The following SHB variants were observed in gnomAD, a reference collection of about 807,000 sequenced individuals.
SHB encodes SH2 domain-containing adapter protein B.
In SHB, 20 loss-of-function variants were observed where a neutral mutation model predicts 52.3. That is an observed-to-expected ratio of 0.38 (90% CI 0.27 to 0.56). The LOEUF is 0.56. SHB is among the 20% of genes least tolerant of loss of function. SHB has a pLI of 0.71. For missense variants in SHB, 825 were observed against 723.3 expected (o/e 1.14, Z -1.61); for synonymous variants, 397 against 316.5 (o/e 1.25, Z -2.70).
At chr9:37,960,958 A>G (rs1483731066) in intron 3 of SHB, among the ~76,000 whole-genome samples, 1 of 152,184 alleles carries the variant, frequency 6.6e-6, no homozygotes, top group Non-Finnish European at 1.5e-5. Context: ...ATTCCCCACA[A>G]GAATACCTGA....
At chr9:37,954,570 G>A (rs1701642421) in intron 4 of SHB, among the ~76,000 whole-genome samples, 1 of 152,108 alleles carries the variant, frequency 6.6e-6, no homozygotes, top group Non-Finnish European at 1.5e-5. Flanking sequence ...CACCACTCTG[G>A]GCCCTGATGT....
rs555278137 is a variant in SHB at position 38,012,829 on chromosome 9, A to G, written c.838+3182T>C. 3.3e-5 allele frequency among the ~76,000 whole-genome samples: 5 copies of G among 149,814 alleles called. No individual in the cohort carries two copies. The East Asian group carries it at 9.8e-4, about 29-fold the overall frequency. On this transcript the variant is annotated intron_variant, in intron 2 of 5. Coordinates refer to ENST00000377707, the MANE Select transcript of SHB (RefSeq NM_003028.3). Reference sequence around the variant, plus strand: ...ACAAGTTACACGCTCACATACACATAAAATGTAATATCATCCAAAAAGGAT... The same window carrying G: ...ACAAGTTACACGCTCACATACACATGAAATGTAATATCATCCAAAAAGGAT...
At chr9:38,021,348 A>C (rs889365557) in intron 1 of SHB, among the ~76,000 whole-genome samples, 1 of 151,314 alleles carries the variant, frequency 6.6e-6, no homozygotes. Flanking sequence ...CTCAAAAAAT[A>C]AAAATAAAAT....
rs749370412 is a variant in SHB, at chr9:37,920,036, C to G, written c.1347-32G>C. 9 of 1,570,592 alleles carry G rather than the reference C, an allele frequency of 5.7e-6. No individual in the cohort carries two copies. In the Admixed American group the frequency reaches 1.5e-4, roughly 26 times the overall value. On this transcript the variant is annotated intron_variant, in intron 5 of 5. Coordinates refer to ENST00000377707, the MANE Select transcript of SHB (RefSeq NM_003028.3). The stretch of plus-strand genomic sequence containing the variant: ...ACAAAACACAGAGTTATCAGAACTA[C>G]CCCCCTGACACTCAGGCTGAGGCCA...
At chr9:38,028,169 C>G (rs1821368271) in intron 1 of SHB, among the ~76,000 whole-genome samples, 1 of 152,078 alleles carries the variant, frequency 6.6e-6, no homozygotes, top group South Asian at 2.1e-4. Context: ...GGGCCCTGTC[C>G]CAGAGACTAA....
intron 1 of SHB, among the ~76,000 whole-genome samples, chr9:38,031,673 T>C (rs1271128584): frequency 6.6e-6 from 1 of 152,208 alleles, no homozygotes; most frequent in Non-Finnish European, 1.5e-5. Flanking sequence ...TCTGAGACCA[T>C]CACGGGAGCT....
intron 5 of SHB, among the ~76,000 whole-genome samples, chr9:37,940,635 T>C (rs1832424526): frequency 6.6e-6 from 1 of 152,160 alleles, no homozygotes; most frequent in African/African-American, 2.4e-5. Context: ...GCTCAAATGC[T>C]GCTAGCAAAC....
chr9:38,048,914 T>C (rs1470883175), intron 1 of SHB, among the ~76,000 whole-genome samples: 4 of 152,232 alleles, frequency 2.6e-5, no homozygotes, highest in African/African-American at 9.6e-5. Flanking sequence ...CTCTCACTGT[T>C]TCCAGTCACT....
chr9:37,920,640 T>C (rs1832169816), intron 5 of SHB, among the ~76,000 whole-genome samples: 1 of 152,256 alleles, frequency 6.6e-6, no homozygotes, highest in East Asian at 1.9e-4. Context: ...CTGTACTACC[T>C]GCCCTTCTTT....
chr9:37,964,204 G>A (rs1422095650), intron 3 of SHB, among the ~76,000 whole-genome samples: 1 of 152,220 alleles, frequency 6.6e-6, no homozygotes, highest in African/African-American at 2.4e-5. Context: ...CTCATGATGG[G>A]AGGTGCCTGA....
At chr9:38,053,395 G>A (rs145090118) in intron 1 of SHB, among the ~76,000 whole-genome samples, 6 of 152,112 alleles carry the variant, frequency 3.9e-5, no homozygotes, top group African/African-American at 1.2e-4. Flanking sequence ...TTGCCACCAC[G>A]CCCAGCTAAT....
intron 1 of SHB, among the ~76,000 whole-genome samples, chr9:38,065,178 G>A (rs943050269): frequency 3.3e-5 from 5 of 152,228 alleles, no homozygotes; most frequent in African/African-American, 9.6e-5. Context: ...AAGGAAGGCC[G>A]GATCTACAGT....
intron 1 of SHB, among the ~76,000 whole-genome samples, chr9:38,028,607 G>A (rs532727403): frequency 6.6e-5 from 10 of 152,324 alleles, no homozygotes; most frequent in African/African-American, 2.4e-4. Context: ...GAAGGCCTGT[G>A]GCACCTCTAA....
rs1832150547 is a variant in SHB at position 37,919,589 on chromosome 9, A to AGAGGGT, written c.*226_*231dup. On this transcript the variant is annotated 3_prime_UTR_variant, in exon 6 of 6. Transcript: ENST00000377707. ...TATTTTAATTCACAGAAACTCAAGG[A>AGAGGGT]GAGGGTGGGGGTGGGGGCTGGGGTG... The AGAGGGT allele has an allele frequency of 3.4e-6, 1 of 296,304 alleles. No homozygotes were observed. Among genetic ancestry groups the AGAGGGT allele is most frequent in the African/African-American group, 2.6e-5 (1 of 38,414 alleles). The allele number at this position is 296,304 out of a possible 1,614,324, so 18.4% of individuals were successfully genotyped here. A position where few individuals can be genotyped will look rare whatever the true frequency, so the allele number is the denominator to read the frequency against.
At position 37,955,783 on chromosome 9, in the gene SHB, C is replaced by T. The variant is rs147808772; in HGVS notation, c.1226+100G>A. On this transcript the variant is annotated intron_variant, in intron 4 of 5. Transcript: ENST00000377707. ...GATTACAGGTGTGAGCCACCACGCC[C>T]GGCCCAGTCTGTGGATTTTTAAAAG... 509 of 1,205,140 alleles carry T rather than the reference C, an allele frequency of 4.2e-4. 1 individual carries two copies. The African/African-American group carries it at 6.9e-3, about 16-fold the overall frequency. 74.7% of individuals were successfully genotyped at this position (1,205,140 alleles called of 1,614,324 possible). A position where few individuals can be genotyped will look rare whatever the true frequency, so the allele number is the denominator to read the frequency against.
chr9:38,017,672 C>T (rs577123998), intron 1 of SHB, among the ~76,000 whole-genome samples: 41 of 152,328 alleles, frequency 2.7e-4, no homozygotes, highest in South Asian at 1.0e-3. Flanking sequence ...CTCCCGCTGC[C>T]GCTACTCCAC....
At chr9:37,934,703 G>T (rs910479557) in intron 5 of SHB, among the ~76,000 whole-genome samples, 1 of 152,212 alleles carries the variant, frequency 6.6e-6, no homozygotes, top group Non-Finnish European at 1.5e-5. Flanking sequence ...TTGTGGTCAC[G>T]GTTCTGGGGG....
chr9:37,972,319 G>C (rs905263125), intron 3 of SHB, among the ~76,000 whole-genome samples: 2 of 152,218 alleles, frequency 1.3e-5, no homozygotes, highest in Non-Finnish European at 1.5e-5. Flanking sequence ...CCATGCCCAG[G>C]GGACAGACCT....
intron 2 of SHB, among the ~76,000 whole-genome samples, chr9:38,005,684 T>C (rs1821068937): frequency 6.6e-6 from 1 of 152,198 alleles, no homozygotes; most frequent in South Asian, 2.1e-4. Context: ...CAGACTGCTG[T>C]CATCTCTGTA....
Sources: gnomAD v4.1 joint callset for allele counts (sites outside exome capture counted in the v4.1 genomes callset) on GRCh38, gnomAD v4.1.1 for gene constraint, MANE v1.5 for transcripts, NCBI Gene and HGNC (gene_info 2026-07-23, HGNC 2026-07-21) for gene names.